Variants in TMEM178B observed in about 807,000 individuals in gnomAD.
TMEM178B encodes the protein transmembrane protein 178B.
TMEM178B carries 5 observed loss-of-function variants against 31.0 expected under a neutral mutation model. The observed-to-expected ratio is 0.16, with a 90% CI of 0.08 to 0.34. TMEM178B has a LOEUF of 0.34. Among genes scored for constraint, TMEM178B ranks in the 10% least tolerant of loss-of-function variants. The probability of loss-of-function intolerance (pLI) is 1.00; values close to 1 mark genes in which losing one functional copy is unlikely to be tolerated. For missense variants in TMEM178B, 275 were observed against 400.3 expected (o/e 0.69, Z 2.67); for synonymous variants, 164 against 164.0 (o/e 1.00, Z 0.00).
intron 1 of TMEM178B, among the ~76,000 whole-genome samples, chr7:141,150,570 T>C (rs1334487439): frequency 6.6e-6 from 1 of 152,112 alleles, no homozygotes; most frequent in East Asian, 1.9e-4. Context: ...GCTCCAGAGG[T>C]CTTTCAGCTT....
chr7:141,338,539 G>A (rs1485364711), intron 2 of TMEM178B, among the ~76,000 whole-genome samples: 1 of 152,108 alleles, frequency 6.6e-6, no homozygotes, highest in African/African-American at 2.4e-5. Flanking sequence ...AGAAAGGCAG[G>A]GGTGATGTCT....
rs142924333 is a variant in TMEM178B at position 141,266,213 on chromosome 7, T to C, written c.496+53509T>C. On this transcript the variant is annotated intron_variant, in intron 2 of 3. Transcript: ENST00000565468. ...GCAGCCCCTCTTCTGGTGCAACTCA[T>C]TGGGACTTCCCTCTGTGGGGGAGAA... Among the ~76,000 whole-genome samples the C allele has an allele frequency of 1.2e-4, 19 of 152,350 alleles. 1 individual carries two copies. The highest frequency in any genetic ancestry group is 4.1e-4 in the South Asian group (2 of 4,826).
chr7:141,102,376 TA>T (rs1266701353), intron 1 of TMEM178B, among the ~76,000 whole-genome samples: 6 of 152,336 alleles, frequency 3.9e-5, no homozygotes, highest in African/African-American at 1.4e-4. Context: ...CTAGAGACCC[TA>T]TTTGCATTTA....
intron 2 of TMEM178B, among the ~76,000 whole-genome samples, chr7:141,290,139 G>C (rs1798521281): frequency 6.6e-6 from 1 of 152,202 alleles, no homozygotes; most frequent in Non-Finnish European, 1.5e-5. Context: ...CTTAGGAGCA[G>C]ATGGTCTCCT....
intron 2 of TMEM178B, among the ~76,000 whole-genome samples, chr7:141,388,190 A>G (rs1401383656): frequency 1.3e-5 from 2 of 152,182 alleles, no homozygotes; most frequent in Non-Finnish European, 2.9e-5. Flanking sequence ...AGGAGGAGGA[A>G]GCCCAGGTGT....
intron 2 of TMEM178B, among the ~76,000 whole-genome samples, chr7:141,269,352 A>G (rs1798144520): frequency 6.6e-6 from 1 of 151,994 alleles, no homozygotes; most frequent in Non-Finnish European, 1.5e-5. Context: ...CAGCCTCCCA[A>G]AGTGCTTTCT....
intron 1 of TMEM178B, among the ~76,000 whole-genome samples, chr7:141,132,555 C>T (rs1361662888): frequency 1.3e-5 from 2 of 152,156 alleles, no homozygotes; most frequent in Non-Finnish European, 2.9e-5. Context: ...CTGAAACCCA[C>T]CTGCACGTGC....
intron 2 of TMEM178B, among the ~76,000 whole-genome samples, chr7:141,301,324 G>A (rs1436211119): frequency 6.6e-6 from 1 of 152,162 alleles, no homozygotes. Flanking sequence ...TAATAAACAT[G>A]CACAATATAT....
In TMEM178B at chr7:141,422,138, G is replaced by A. The variant is rs1195475851; in HGVS notation, c.497-15470G>A. 6.6e-6 allele frequency among the ~76,000 whole-genome samples: 1 copy of A among 152,164 alleles called. No individual in the cohort carries two copies. Among genetic ancestry groups the A allele is most frequent in the Admixed American group, 6.5e-5 (1 of 15,284 alleles). ...ATTTTTACGATTCTACCTGCTCCCT[G>A]TTAACCCTATTACTTCTGGCTCCTC... is the stretch of plus-strand genomic sequence containing the variant. On this transcript the variant is annotated intron_variant, in intron 2 of 3. Transcript: ENST00000565468. The surrounding 1 kb of genome is among the most constrained non-coding windows in gnomAD (Gnocchi z 4.2).
chr7:141,418,471 A>G (rs1453040841), intron 2 of TMEM178B, among the ~76,000 whole-genome samples: 2 of 152,226 alleles, frequency 1.3e-5, no homozygotes, highest in Admixed American at 1.3e-4. Flanking sequence ...ATCAGCACTC[A>G]GCAAATTGCA....
At chr7:141,273,732 C>G (rs369809149) in intron 2 of TMEM178B, among the ~76,000 whole-genome samples, 22 of 152,296 alleles carry the variant, frequency 1.4e-4, no homozygotes, top group African/African-American at 4.8e-4. Flanking sequence ...TTTCCCTTGC[C>G]CGAGGCTCTC....
At chr7:141,324,430 T>TGTTTG (rs1563151669) in intron 2 of TMEM178B, among the ~76,000 whole-genome samples, 6 of 85,720 alleles carry the variant, frequency 7.0e-5, no homozygotes, top group Non-Finnish European at 1.8e-4. Context: ...TTTTTTTTTT[T>TGTTTG]TTTTTTTTTT....
At chr7:141,353,829 T>G (rs900683170) in intron 2 of TMEM178B, among the ~76,000 whole-genome samples, 1 of 152,314 alleles carries the variant, frequency 6.6e-6, no homozygotes, top group Middle Eastern at 3.4e-3. Flanking sequence ...CAGAAAGAAG[T>G]GGAAAATATT....
At chr7:141,385,804 A>G (rs1449552001) in intron 2 of TMEM178B, among the ~76,000 whole-genome samples, 1 of 152,108 alleles carries the variant, frequency 6.6e-6, no homozygotes, top group Non-Finnish European at 1.5e-5. Context: ...CCTTGGGTCC[A>G]CTTCTATTTC....
At chr7:141,120,963 TC>T (rs1395992994) in intron 1 of TMEM178B, among the ~76,000 whole-genome samples, 3 of 151,450 alleles carry the variant, frequency 2.0e-5, no homozygotes, top group Admixed American at 2.0e-4. Flanking sequence ...AGACTCTGTC[TC>T]TAAATAATAA....
At chr7:141,210,497 A>G (rs544994805) in intron 1 of TMEM178B, among the ~76,000 whole-genome samples, 1 of 152,294 alleles carries the variant, frequency 6.6e-6, no homozygotes, top group African/African-American at 2.4e-5. Flanking sequence ...AATAGGGATG[A>G]GGATGGCAAT....
chr7:141,156,067 A>G (rs1796065204), intron 1 of TMEM178B, among the ~76,000 whole-genome samples: 1 of 152,144 alleles, frequency 6.6e-6, no homozygotes, highest in South Asian at 2.1e-4. Context: ...TCCATCTCAA[A>G]CAACCAAAAA....
chr7:141,224,113 C>G (rs1256082176), intron 2 of TMEM178B, among the ~76,000 whole-genome samples: 1 of 152,160 alleles, frequency 6.6e-6, no homozygotes, highest in African/African-American at 2.4e-5. Flanking sequence ...TTGCTTGGCT[C>G]TCATTCCCTC....
intron 2 of TMEM178B, among the ~76,000 whole-genome samples, chr7:141,312,219 C>T (rs1798923082): frequency 6.6e-6 from 1 of 152,216 alleles, no homozygotes; most frequent in African/African-American, 2.4e-5. Flanking sequence ...TATCTTATCT[C>T]AGATTCAACA....
Sources: gnomAD v4.1 joint callset for allele counts (sites outside exome capture counted in the v4.1 genomes callset) on GRCh38, gnomAD v4.1.1 for gene constraint, Gnocchi (gnomAD v3.1) non-coding constraint, MANE v1.5 for transcripts, NCBI Gene and HGNC (gene_info 2026-07-23, HGNC 2026-07-21) for gene names.